The following GJA9 variants were observed in gnomAD, a reference collection of about 807,000 sequenced individuals.
GJA9 encodes gap junction alpha-9 protein.
GJA9 carries 1 observed loss-of-function variant against 0.4 expected under a neutral mutation model. The ratio of observed to expected loss-of-function variants is 2.50; its 90% confidence interval spans 0.89 to 11.88. GJA9 has a LOEUF of 11.88. GJA9 is among the 30% of genes most tolerant of loss of function. The pLI is 0.12. For missense variants in GJA9, 550 were observed against 602.8 expected (o/e 0.91, Z 0.92); for synonymous variants, 190 against 219.1 (o/e 0.87, Z 1.17).
Position 38,874,326 on chromosome 1 carries a change from A to AT in GJA9, c.*224dup, listed in dbSNP as rs57929942. Reference sequence around the variant, plus strand: ...AATCAGTTACATTCGAAAGGATATCATTTAAAAAAAAAAAAATCCTGATTT... The same window carrying AT: ...AATCAGTTACATTCGAAAGGATATCATTTTAAAAAAAAAAAAATCCTGATTT... On this transcript the variant is annotated 3_prime_UTR_variant, in exon 2 of 2. Coordinates refer to ENST00000357771, the MANE Select transcript of GJA9 (RefSeq NM_030772.5). The AT allele has an allele frequency of 0.2, 87,646 of 439,086 alleles. 7,490 individuals carry two copies. The highest frequency in any genetic ancestry group is 0.47 in the African/African-American group (21,767 of 46,808). The allele number at this position is 439,086 out of a possible 1,614,324, so 27.2% of individuals were successfully genotyped here. A position where few individuals can be genotyped will look rare whatever the true frequency, so the allele number is the denominator to read the frequency against.
intron 1 of GJA9, among the ~76,000 whole-genome samples, chr1:38,880,231 CTTG>C: frequency 6.7e-6 from 1 of 148,408 alleles, no homozygotes; most frequent in African/African-American, 2.5e-5. Context: ...GGTTGAAACC[CTTG>C]CTCTACTAAA....
At position 38,880,402 on chromosome 1, in the gene GJA9, C is replaced by CAAAAAATA; in HGVS notation, c.-96+1029_-96+1030insTATTTTTT. Among the ~76,000 whole-genome samples, 2 of 79,912 alleles carry CAAAAAATA rather than the reference C, an allele frequency of 2.5e-5. 1 individual carries two copies. The highest frequency in any genetic ancestry group is 6.0e-5 in the Non-Finnish European group (2 of 33,410). The allele number at this position is 79,912 out of a possible 152,430, so 52.4% of individuals were successfully genotyped here. A position where few individuals can be genotyped will look rare whatever the true frequency, so the allele number is the denominator to read the frequency against. ...TGGGCGACAGAGCAAGACTCTGTCT[C>CAAAAAATA]AAAAAAAAATAAATAATAATAATAA... is the stretch of plus-strand genomic sequence containing the variant. On this transcript the variant is annotated intron_variant, in intron 1 of 1. Coordinates refer to ENST00000357771, the MANE Select transcript of GJA9 (RefSeq NM_030772.5).
chr1:38,879,933 G>C (rs961419243), intron 1 of GJA9, among the ~76,000 whole-genome samples: 1 of 150,990 alleles, frequency 6.6e-6, no homozygotes, highest in Non-Finnish European at 1.5e-5. Context: ...GTTTCACCGT[G>C]ATCTCGATCT....
chr1:38,875,343 ATG>A lies in GJA9; in HGVS notation c.754_755del (p.His252Ter). Reference sequence around the variant, plus strand: ...TTGCCTTGTTTGCATGGAATTCATTATGTTCCTTCTTCAACTTGTATTTTCCC... The same window carrying A: ...TTGCCTTGTTTGCATGGAATTCATTATTCCTTCTTCAACTTGTATTTTCCC... ...LWGKYKLKKE[H>X]NEFHANKAKQ... On this transcript the variant is annotated frameshift_variant, in exon 2 of 2. Coordinates refer to ENST00000357771, the MANE Select transcript of GJA9 (RefSeq NM_030772.5). LOFTEE classifies it low-confidence loss of function (END_TRUNC). 6.2e-7 allele frequency: 1 copy of A among 1,614,184 alleles called. No individual in the cohort carries two copies. The highest frequency in any genetic ancestry group is 8.5e-7 in the Non-Finnish European group (1 of 1,180,032).
In GJA9 at chr1:38,875,438, T is replaced by C; in HGVS notation, c.661A>G (p.Ile221Val). The C allele has an allele frequency of 1.2e-6, 2 of 1,613,874 alleles. No homozygotes were observed. The highest frequency in any genetic ancestry group is 1.7e-6 in the Non-Finnish European group (2 of 1,179,890). ...FLLFMQSIATISLFLNILEIF... is the reference protein window; with the variant it reads ...FLLFMQSIATVSLFLNILEIF... ...TCAAGAATGTTTAAGAAAAGTGAAATAGTGGCTATAGATTGCATAAATAAT... is the reference window on the plus strand; with the variant it reads ...TCAAGAATGTTTAAGAAAAGTGAAACAGTGGCTATAGATTGCATAAATAAT... Residue 221 changes from isoleucine to valine, a missense_variant, in exon 2 of 2, where the codon ATT becomes GTT. Transcript: ENST00000357771.
chr1:38,881,484 A>G lies in GJA9; in HGVS notation c.-148T>C, dbSNP rs1221457954. The stretch of plus-strand genomic sequence containing the variant: ...GCAAACCATGTTTAGAAGTTACAGC[A>G]TGGCCATCTTCAATTTATTTTCTGA... On this transcript the variant is annotated 5_prime_UTR_variant, in exon 1 of 2. An upstream start codon of the reference 5' UTR is lost. Coordinates refer to ENST00000357771, the MANE Select transcript of GJA9 (RefSeq NM_030772.5). The G allele has an allele frequency of 7.1e-6, 5 of 701,356 alleles. No individual in the cohort carries two copies. The highest frequency in any genetic ancestry group is 5.2e-5 in the African/African-American group (3 of 57,222). The allele number at this position is 701,356 out of a possible 1,614,324, so 43.4% of individuals were successfully genotyped here.
rs763113322 is a variant in GJA9, at chr1:38,875,052, G to T, written c.1047C>A (p.Asn349Lys). 1.9e-6 allele frequency: 3 copies of T among 1,613,882 alleles called. No homozygotes were observed. The African/African-American group carries it at 4.0e-5, about 22-fold the overall frequency. Residue 349 changes from asparagine (N) to lysine (K), a missense_variant, in exon 2 of 2, where the codon AAC (asparagine) becomes AAA (lysine). Coordinates refer to ENST00000357771, the MANE Select transcript of GJA9 (RefSeq NM_030772.5). Reference sequence around the variant, plus strand: ...ATATTTTATGAGTGTCTTTGTTATTGTTTGAACTGATGTGTTGAAAATGAC... The same window carrying T: ...ATATTTTATGAGTGTCTTTGTTATTTTTTGAACTGATGTGTTGAAAATGAC... ...SCSHFQHISS[N>K]NNKDTHKIFG...
chr1:38,876,891 G>A (rs1311178615), intron 1 of GJA9, among the ~76,000 whole-genome samples: 1 of 151,978 alleles, frequency 6.6e-6, no homozygotes, highest in Non-Finnish European at 1.5e-5. Context: ...TACTCGGGAG[G>A]CTGAGGCAAG....
rs759129006 is a variant in GJA9 at position 38,875,564 on chromosome 1, A to G, written c.535T>C (p.Tyr179His). The change falls in exon 2 of 2, where the codon TAT (tyrosine) becomes CAT (histidine). Residue 179 changes from tyrosine (Y) to histidine (H), a missense_variant. Physicochemically the swap from Tyr to His is moderately conservative, Grantham distance 83. Transcript: ENST00000357771. Reference sequence around the variant, plus strand: ...AATAGCGGCTCTAAGTGAAATCCATATAAAAGGTACTGTCCAATCATGAAT... The same window carrying G: ...AATAGCGGCTCTAAGTGAAATCCATGTAAAAGGTACTGTCCAATCATGAAT... The part of the protein sequence containing the change: ...VGFMIGQYLL[Y>H]GFHLEPLFKC... The G allele has an allele frequency of 5.0e-6, 8 of 1,614,114 alleles. No homozygotes were observed. Among genetic ancestry groups the G allele is most frequent in the African/African-American group, 2.7e-5 (2 of 74,940 alleles).
intron 1 of GJA9, among the ~76,000 whole-genome samples, chr1:38,880,935 A>C (rs1345424963): frequency 1.3e-5 from 2 of 152,198 alleles, no homozygotes; most frequent in Non-Finnish European, 2.9e-5. Context: ...AATCGACTAC[A>C]TCCACGGTGT....
chr1:38,880,272 C>T (rs1184866801), intron 1 of GJA9, among the ~76,000 whole-genome samples: 1 of 149,112 alleles, frequency 6.7e-6, no homozygotes, highest in Non-Finnish European at 1.5e-5. Context: ...GGCGTGGTGG[C>T]GGGCGCCTGT....
chr1:38,879,293 T>C (rs895697286), intron 1 of GJA9, among the ~76,000 whole-genome samples: 49 of 152,236 alleles, frequency 3.2e-4, no homozygotes, highest in African/African-American at 1.2e-3. Context: ...AATATTTTCA[T>C]TATTTTTCAT....
chr1:38,876,650 A>G (rs77133864), intron 1 of GJA9, among the ~76,000 whole-genome samples: 4,462 of 152,154 alleles, frequency 0.029, 81 homozygotes, highest in Non-Finnish European at 0.044. Flanking sequence ...AGACATCACA[A>G]TACAATGAAA....
chr1:38,875,984 C>T lies in GJA9; in HGVS notation c.115G>A (p.Val39Ile). The change falls in exon 2 of 2, where the codon GTA becomes ATA. Residue 39 changes from valine (V) to isoleucine (I), a missense_variant. Physicochemically the swap from Val to Ile is conservative, Grantham distance 29. Coordinates refer to ENST00000357771, the MANE Select transcript of GJA9 (RefSeq NM_030772.5). ...TCATTCCAGACATCTTCAGCTGCTA[C>T]ACCCAGAACAAGCATTCGAAATATG... ...LFIFRMLVLG[V>I]AAEDVWNDEQ... The T allele has an allele frequency of 1.2e-6, 2 of 1,614,214 alleles. No homozygotes were observed. Among genetic ancestry groups the T allele is most frequent in the Non-Finnish European group, 1.7e-6 (2 of 1,180,042 alleles).
intron 1 of GJA9, among the ~76,000 whole-genome samples, chr1:38,880,352 G>A (rs567097151): frequency 7.3e-4 from 103 of 141,902 alleles, no homozygotes; most frequent in Non-Finnish European, 1.1e-3. Flanking sequence ...GCAGTGAGCC[G>A]AGATCACACC....
chr1:38,876,885 C>T (rs990916569), intron 1 of GJA9, among the ~76,000 whole-genome samples: 2 of 151,770 alleles, frequency 1.3e-5, no homozygotes, highest in Admixed American at 6.6e-5. Flanking sequence ...CCCAGCTACT[C>T]GGGAGGCTGA....
At position 38,881,376 on chromosome 1, in the gene GJA9, A is replaced by G; in HGVS notation, c.-96+56T>C. On this transcript the variant is annotated intron_variant, in intron 1 of 1. Transcript: ENST00000357771. ...CCATAGAATTCAAAAGAAAAAGATA[A>G]AAACATTTCAAACAACTCTTTCTTA... The G allele has an allele frequency of 4.3e-6, 3 of 697,548 alleles. No individual in the cohort carries two copies. In the South Asian group the frequency reaches 4.5e-5, roughly 10 times the overall value. The allele number at this position is 697,548 out of a possible 1,614,324, so 43.2% of individuals were successfully genotyped here. A position where few individuals can be genotyped will look rare whatever the true frequency, so the allele number is the denominator to read the frequency against.
Position 38,875,942 on chromosome 1 carries a change from TG to T in GJA9, c.156del (p.Phe52LeufsTer31). 1 of 1,614,214 alleles carries T rather than the reference TG, an allele frequency of 6.2e-7. No individual in the cohort carries two copies. The highest frequency in any genetic ancestry group is 8.5e-7 in the Non-Finnish European group (1 of 1,180,036). ...EDVWNDEQSG[F>X]ICNTEQPGCR... Reference sequence around the variant, plus strand: ...CAGCCTGGTTGTTCTGTATTGCAGATGAAGCCAGACTGCTCATCATTCCAGA... The same window carrying T: ...CAGCCTGGTTGTTCTGTATTGCAGATAAGCCAGACTGCTCATCATTCCAGA... On this transcript the variant is annotated frameshift_variant, in exon 2 of 2. Transcript: ENST00000357771. LOFTEE classifies it low-confidence loss of function (END_TRUNC).
intron 1 of GJA9, among the ~76,000 whole-genome samples, chr1:38,877,388 C>A (rs1642607234): frequency 6.6e-6 from 1 of 152,090 alleles, no homozygotes; most frequent in African/African-American, 2.4e-5. Flanking sequence ...AAACTAGTAA[C>A]CTGATCTTAA....
Sources: allele counts gnomAD v4.1 joint callset (sites outside exome capture counted in the v4.1 genomes callset), GRCh38; gene constraint gnomAD v4.1.1; transcripts MANE v1.5; gene names NCBI Gene and HGNC (gene_info 2026-07-23, HGNC 2026-07-21).